TMEM19: variants seen among roughly 807,000 people sequenced by gnomAD.
The protein encoded by TMEM19 is transmembrane protein 19.
Under a neutral mutation model 33.6 loss-of-function variants are expected in TMEM19, and 21 were observed. The observed-to-expected ratio is 0.62, with a 90% confidence interval of 0.44 to 0.90. The LOEUF is 0.90. TMEM19 is among the 40% of genes least tolerant of loss of function. The pLI, the probability that TMEM19 is intolerant of heterozygous loss-of-function variation, is 0.00. For synonymous variants in TMEM19, 149 were observed against 147.5 expected, an observed-to-expected ratio of 1.01 and a Z score of -0.07; for missense variants, 402 against 401.8, an observed-to-expected ratio of 1.00 and a Z score of 0.00.
At chr12:71,699,412 A>G (rs1881937876) in intron 5 of TMEM19, 1 of 522,568 alleles carries the variant, frequency 1.9e-6, no homozygotes, top group African/African-American at 1.9e-5. Flanking sequence ...GTTTGGGATC[A>G]GATCATTTTA....
intron 4 of TMEM19, 52 bp downstream of exon 4, chr12:71,697,586 G>A: frequency 6.6e-7 from 1 of 1,506,110 alleles, no homozygotes; most frequent in Non-Finnish European, 8.8e-7. Flanking sequence ...GGTGAGTCTT[G>A]ATTTGAGATT....
chr12:71,701,184 G>A lies in TMEM19; in HGVS notation c.*189G>A. 2.0e-6 allele frequency: 1 copy of A among 489,516 alleles called. No homozygotes were observed. Among genetic ancestry groups the A allele is most frequent in the Admixed American group, 3.9e-5 (1 of 25,606 alleles). 30.3% of individuals were successfully genotyped at this position (489,516 alleles called of 1,614,324 possible). A position where few individuals can be genotyped will look rare whatever the true frequency, so the allele number is the denominator to read the frequency against. On this transcript the variant is annotated 3_prime_UTR_variant, in exon 6 of 6. Transcript: ENST00000266673. ...AATAGCTAGCGTCTTTCTAGTGAAA[G>A]AGAAGAATTCCTAGAACTTATGCAT... is the stretch of plus-strand genomic sequence containing the variant.
chr12:71,699,579 G>C (rs150870723), intron 5 of TMEM19: 5 of 176,734 alleles, frequency 2.8e-5, no homozygotes, highest in Non-Finnish European at 6.0e-5. Context: ...GTCTGGGCAC[G>C]GTGGCTCACA....
At chr12:71,692,230 T>C (rs1266570656) in intron 2 of TMEM19, among the ~76,000 whole-genome samples, 1 of 152,236 alleles carries the variant, frequency 6.6e-6, no homozygotes, top group Non-Finnish European at 1.5e-5. Context: ...GCCACAAACA[T>C]TTCTTTCTTT....
In TMEM19 at chr12:71,700,462, T is replaced by G. The variant is rs114917722; in HGVS notation, c.848-370T>G. Reference sequence around the variant, plus strand: ...TAGATCAGTCTTGGAGGGGAACCACTGGGAAGGCAGGCCCAACCTGCCAGT... The same window carrying G: ...TAGATCAGTCTTGGAGGGGAACCACGGGGAAGGCAGGCCCAACCTGCCAGT... On this transcript the variant is annotated intron_variant, in intron 5 of 5. Transcript: ENST00000266673. Among the ~76,000 whole-genome samples the G allele has an allele frequency of 4.6e-3, 707 of 152,278 alleles. 6 individuals carry two copies. The highest frequency in any genetic ancestry group is 0.016 in the African/African-American group (680 of 41,554).
chr12:71,694,841 A>C (rs1881843670), intron 2 of TMEM19, among the ~76,000 whole-genome samples: 1 of 152,210 alleles, frequency 6.6e-6, no homozygotes. Context: ...ATGAAATTCC[A>C]GTCCTGCCTT....
chr12:71,700,629 T>C (rs566860287), intron 5 of TMEM19, among the ~76,000 whole-genome samples: 1 of 152,238 alleles, frequency 6.6e-6, no homozygotes, highest in Non-Finnish European at 1.5e-5. Context: ...ATATAAATGA[T>C]CCATTAAAGT....
chr12:71,698,893 TC>T lies in TMEM19; in HGVS notation c.638-6del. 1 of 1,613,428 alleles carries T rather than the reference TC, an allele frequency of 6.2e-7. No individual in the cohort carries two copies. The highest frequency in any genetic ancestry group is 1.1e-5 in the South Asian group (1 of 91,048). ...ACCGGATGATTTTCTGCATGTTTCT[TC>T]TTCAGGTACCAATGGAGGAGTTACA... is the stretch of plus-strand genomic sequence containing the variant. On this transcript the variant is annotated splice_polypyrimidine_tract_variant and splice_region_variant and intron_variant, in intron 4 of 5. Transcript: ENST00000266673.
Position 71,686,826 on chromosome 12 carries a change from C to T in TMEM19, c.130+16C>T. Reference sequence around the variant, plus strand: ...ACCTATTATGGTAAGTCTGAGTGTTCTAAGTTGTTTCTCTGTAATCTAGTC... The same window carrying T: ...ACCTATTATGGTAAGTCTGAGTGTTTTAAGTTGTTTCTCTGTAATCTAGTC... On this transcript the variant is annotated intron_variant, in intron 1 of 5. Coordinates refer to ENST00000266673, the MANE Select transcript of TMEM19 (RefSeq NM_018279.4). 2.5e-6 allele frequency: 4 copies of T among 1,586,994 alleles called. No individual in the cohort carries two copies. Among genetic ancestry groups the T allele is most frequent in the Non-Finnish European group, 3.4e-6 (4 of 1,169,980 alleles).
chr12:71,692,682 C>T (rs1881804481), intron 2 of TMEM19, among the ~76,000 whole-genome samples: 1 of 152,096 alleles, frequency 6.6e-6, no homozygotes, highest in Non-Finnish European at 1.5e-5. Context: ...AGTGCTATAA[C>T]ATGCCACTTG....
rs536913190 is a variant in TMEM19 at position 71,696,770 on chromosome 12, C to G, written c.382+197C>G. 3.4e-3 allele frequency among the ~76,000 whole-genome samples: 515 copies of G among 152,066 alleles called. 5 individuals carry two copies. The highest frequency in any genetic ancestry group is 0.012 in the African/African-American group (479 of 41,488). ...CACACCATTCTCCTGGCTCAGCTTC[C>G]TGAGTAGCTGGGACTACAGGCGCCT... is the stretch of plus-strand genomic sequence containing the variant. On this transcript the variant is annotated intron_variant, in intron 3 of 5. Transcript: ENST00000266673.
intron 2 of TMEM19, among the ~76,000 whole-genome samples, chr12:71,693,693 GA>G (rs1328279205): frequency 6.6e-6 from 1 of 152,170 alleles, no homozygotes; most frequent in Non-Finnish European, 1.5e-5. Context: ...ATCTCATCTT[GA>G]ATTGTAGCTC....
Position 71,700,859 on chromosome 12 carries a change from T to G in TMEM19, c.875T>G (p.Val292Gly), listed in dbSNP as rs566030415. The part of the protein sequence containing the change: ...TGLDESTGMV[V>G]NSPTNKARHI... ...TTGGATGAAAGCACTGGCATGGTGG[T>G]CAACAGCCCAACAAATAAGGCAAGG... The change falls in exon 6 of 6, where the codon GTC (valine) becomes GGC (glycine). Residue 292 changes from valine to glycine, a missense_variant. Coordinates refer to ENST00000266673, the MANE Select transcript of TMEM19 (RefSeq NM_018279.4). 8 of 1,610,384 alleles carry G rather than the reference T, an allele frequency of 5.0e-6. No homozygotes were observed. Among genetic ancestry groups the G allele is most frequent in the Non-Finnish European group, 6.8e-6 (8 of 1,178,190 alleles).
Position 71,698,994 on chromosome 12 carries a change from T to G in TMEM19, c.732T>G (p.Phe244Leu). 1 of 1,614,152 alleles carries G rather than the reference T, an allele frequency of 6.2e-7. No individual in the cohort carries two copies. The highest frequency in any genetic ancestry group is 8.5e-7 in the Non-Finnish European group (1 of 1,180,018). The change falls in exon 5 of 6, where the codon TTT becomes TTG. Residue 244 changes from phenylalanine to leucine, a missense_variant. Transcript: ENST00000266673. ...CATACTTCCTCACACAGCTGATTTT[T>G]GTGAATGATTTAGACATTTCTGCCC... ...GIAYFLTQLI[F>L]VNDLDISAPQ... is the part of the protein sequence containing the mutation.
At chr12:71,689,848 T>G (rs1166941518) in intron 2 of TMEM19, 144 bp downstream of exon 2, 11 of 626,124 alleles carry the variant, frequency 1.8e-5, no homozygotes, top group Non-Finnish European at 3.0e-5. Flanking sequence ...TACATCTTGC[T>G]CAGCATTCCT....
At chr12:71,698,503 C>T (rs1881915716) in intron 4 of TMEM19, among the ~76,000 whole-genome samples, 1 of 151,990 alleles carries the variant, frequency 6.6e-6, no homozygotes, top group Admixed American at 6.6e-5. Context: ...ACTAGAGAGG[C>T]TGAGATGGGA....
At position 71,703,703 on chromosome 12, in the gene TMEM19, T is replaced by C. The variant is rs1245139440; in HGVS notation, c.*2708T>C. On this transcript the variant is annotated 3_prime_UTR_variant, in exon 6 of 6. Transcript: ENST00000266673. ...AAAAAAAGTCTGGGATGGCAGCTCA[T>C]TATCAAATATACTCCTATTTTTGTG... The C allele has an allele frequency of 5.9e-6, 1 of 168,304 alleles. No individual in the cohort carries two copies. Among genetic ancestry groups the C allele is most frequent in the Non-Finnish European group, 1.3e-5 (1 of 77,262 alleles). The allele number at this position is 168,304 out of a possible 1,614,324, so 10.4% of individuals were successfully genotyped here.
chr12:71,694,663 A>G (rs1379228280), intron 2 of TMEM19, among the ~76,000 whole-genome samples: 1 of 152,226 alleles, frequency 6.6e-6, no homozygotes, highest in Non-Finnish European at 1.5e-5. Flanking sequence ...TCTGAGAAAC[A>G]GTTATGCAAA....
chr12:71,688,971 T>TA (rs1045001479), intron 1 of TMEM19, among the ~76,000 whole-genome samples: 5 of 151,722 alleles, frequency 3.3e-5, no homozygotes, highest in African/African-American at 4.8e-5. Flanking sequence ...GTGCCCCCTT[T>TA]AAAAAAAATG....
Sources: allele counts gnomAD v4.1 joint callset (sites outside exome capture counted in the v4.1 genomes callset), GRCh38; gene constraint gnomAD v4.1.1; transcripts MANE v1.5; gene names NCBI Gene and HGNC (gene_info 2026-07-23, HGNC 2026-07-21).